Variants in OSBPL10 observed in about 807,000 individuals in gnomAD.
OSBPL10 encodes oxysterol-binding protein-related protein 10.
A neutral mutation model predicts 81.7 loss-of-function variants in OSBPL10; 49 were observed. The ratio of observed to expected loss-of-function variants is 0.60; its 90% CI spans 0.48 to 0.76. The LOEUF (loss-of-function observed/expected upper bound fraction) is 0.76, where lower values mean the gene tolerates loss of function less well. Among genes scored for constraint, OSBPL10 ranks in the 30% least tolerant of loss-of-function variants. The pLI, the probability that OSBPL10 is intolerant of heterozygous loss-of-function variation, is 0.00. For synonymous variants in OSBPL10, 419 were observed against 383.6 expected, an observed-to-expected ratio of 1.09 and a Z score of -1.08; for missense variants, 923 against 987.8, an observed-to-expected ratio of 0.93 and a Z score of 0.88.
chr3:31,817,351 G>A (rs1283249055), intron 4 of OSBPL10, among the ~76,000 whole-genome samples: 5 of 152,198 alleles, frequency 3.3e-5, no homozygotes, highest in Admixed American at 3.3e-4. Flanking sequence ...AGAGGAGAGA[G>A]GCCAGACAGC....
chr3:31,963,935 G>C (rs1698240448), intron 1 of OSBPL10, among the ~76,000 whole-genome samples: 1 of 151,712 alleles, frequency 6.6e-6, no homozygotes, highest in African/African-American at 2.4e-5. Flanking sequence ...GACCACACCT[G>C]GCCCCAATTA....
At position 31,879,730 on chromosome 3, in the gene OSBPL10, T is replaced by C. The variant is rs1164055090; in HGVS notation, c.382A>G (p.Ile128Val). The change falls in exon 2 of 12, where the codon ATA becomes GTA. Residue 128 changes from isoleucine (I) to valine (V), a missense_variant. By Grantham distance (29) the Ile-to-Val change is conservative. Around this residue, in one of 3 missense-constraint regions of OSBPL10, gnomAD observed 514 missense variants for 508.0 expected, o/e 1.01. Transcript: ENST00000396556. ...PRGVLSLSGA[I>V]VSLSDEAPHM... ...GGAGCTTCATCGCTCAGGGACACTA[T>C]GGCTCCAGATAAAGACAGGACTCCT... The C allele has an allele frequency of 6.2e-7, 1 of 1,614,222 alleles. No individual in the cohort carries two copies. The highest frequency in any genetic ancestry group is 8.5e-7 in the Non-Finnish European group (1 of 1,180,038).
At chr3:31,826,429 T>C (rs1316731857) in intron 4 of OSBPL10, among the ~76,000 whole-genome samples, 4 of 152,226 alleles carry the variant, frequency 2.6e-5, no homozygotes, top group African/African-American at 9.6e-5. Flanking sequence ...TTCCGACCTT[T>C]GGTATCTCAA....
intron 1 of OSBPL10, among the ~76,000 whole-genome samples, chr3:31,880,757 C>G (rs770150280): frequency 2.6e-5 from 4 of 152,210 alleles, no homozygotes; most frequent in Admixed American, 1.3e-4. Flanking sequence ...AGCAGTTACT[C>G]AAAGTGTGGT....
At chr3:31,722,737 G>A (rs892446472) in intron 6 of OSBPL10, among the ~76,000 whole-genome samples, 4 of 152,006 alleles carry the variant, frequency 2.6e-5, no homozygotes, top group African/African-American at 9.7e-5. Flanking sequence ...AAGATATTTG[G>A]AATCTGAAAC....
chr3:31,831,732 GAGTA>G (rs1700247331), intron 3 of OSBPL10, among the ~76,000 whole-genome samples: 1 of 152,156 alleles, frequency 6.6e-6, no homozygotes, highest in African/African-American at 2.4e-5. Context: ...TCAAAAGTCT[GAGTA>G]CACAATCTGT....
intron 6 of OSBPL10, chr3:31,709,021 G>C: frequency 3.0e-6 from 3 of 985,432 alleles, no homozygotes; most frequent in Non-Finnish European, 3.6e-6. Flanking sequence ...GTGCCTCAAA[G>C]GCCACCGGCG....
At chr3:31,813,441 T>A (rs1439960326) in intron 4 of OSBPL10, among the ~76,000 whole-genome samples, 1 of 152,012 alleles carries the variant, frequency 6.6e-6, no homozygotes, top group Non-Finnish European at 1.5e-5. Flanking sequence ...GCAGTTTTGG[T>A]TTTTTTGTTT....
intron 1 of OSBPL10, among the ~76,000 whole-genome samples, chr3:31,943,594 G>A (rs1697598261): frequency 2.6e-5 from 4 of 152,108 alleles, no homozygotes. Context: ...CACAGAGACA[G>A]ACATACATGG....
rs191239750 is a variant in OSBPL10, at chr3:31,763,125, C to T, written c.730-15005G>A. Among the ~76,000 whole-genome samples the T allele has an allele frequency of 2.0e-3, 302 of 152,178 alleles. 1 individual carries two copies. The highest frequency in any genetic ancestry group is 6.6e-3 in the African/African-American group (272 of 41,526). ...AGAAAACACAATTTATAAGCAAAGA[C>T]GTAATAAGAAAGGGTAAGGAATTGT... On this transcript the variant is annotated intron_variant, in intron 4 of 11. Transcript: ENST00000396556.
chr3:32,028,926 G>GAAAA (rs201594298), intron 2 of OSBPL10, among the ~76,000 whole-genome samples: 1 of 67,210 alleles, frequency 1.5e-5, no homozygotes, highest in South Asian at 5.8e-4. Flanking sequence ...TAGCTAGTCA[G>GAAAA]GACACACACA....
At chr3:31,912,144 C>T (rs955048276) in intron 1 of OSBPL10, among the ~76,000 whole-genome samples, 1 of 151,964 alleles carries the variant, frequency 6.6e-6, no homozygotes, top group South Asian at 2.1e-4. Flanking sequence ...GCCTGTAATC[C>T]CAGAACTTTG....
At chr3:31,894,303 G>A (rs894562523) in intron 1 of OSBPL10, among the ~76,000 whole-genome samples, 2 of 152,172 alleles carry the variant, frequency 1.3e-5, no homozygotes, top group African/African-American at 4.8e-5. Context: ...GAACAAGGAG[G>A]ACAAGGGGAG....
At position 31,820,551 on chromosome 3, in the gene OSBPL10, C is replaced by T. The variant is rs559923803; in HGVS notation, c.729+9489G>A. 7.9e-5 allele frequency among the ~76,000 whole-genome samples: 12 copies of T among 151,754 alleles called. No individual in the cohort carries two copies. In the South Asian group the frequency reaches 1.7e-3, roughly 21 times the overall value. ...CGGAGGTTGCAGTGAGCCGAGATCA[C>T]GCCACTGCACTCCAGCCTGGGAGGC... On this transcript the variant is annotated intron_variant, in intron 4 of 11. Coordinates refer to ENST00000396556, the MANE Select transcript of OSBPL10 (RefSeq NM_017784.5).
intron 1 of OSBPL10, chr3:32,077,352 A>G (rs1339227461): frequency 6.6e-6 from 1 of 151,838 alleles, no homozygotes; most frequent in African/African-American, 2.4e-5. Flanking sequence ...GCAGGAGAGC[A>G]CTCTCCCCCA....
chr3:31,716,865 G>A (rs1348264984), intron 6 of OSBPL10: 1 of 152,150 alleles, frequency 6.6e-6, no homozygotes, highest in Non-Finnish European at 1.5e-5. Context: ...GCCACACCAG[G>A]CAGTCATTCA....
intron 1 of OSBPL10, among the ~76,000 whole-genome samples, chr3:31,953,067 G>T (rs1252962282): frequency 6.6e-6 from 1 of 151,494 alleles, no homozygotes; most frequent in South Asian, 2.1e-4. Context: ...GAGTAGCTGG[G>T]ATTACAGGCG....
At chr3:32,070,382 A>C (rs186649200) in intron 1 of OSBPL10, among the ~76,000 whole-genome samples, 198 of 152,210 alleles carry the variant, frequency 1.3e-3, no homozygotes, top group African/African-American at 4.4e-3. Flanking sequence ...ATTTTAACCA[A>C]ATTATCTGCT....
At position 32,048,939 on chromosome 3, in the gene OSBPL10, C is replaced by G. The variant is rs117298934; in HGVS notation, n.186-2336G>C. ...GGTTGTTATCACTGCTCATTATACA[C>G]TAATTAGAAAACATTAGCATGCTAA... On this transcript the variant is annotated intron_variant and non_coding_transcript_variant, in intron 1 of 3. Coordinates refer to the OSBPL10 transcript ENST00000479173. 5.4e-3 allele frequency among the ~76,000 whole-genome samples: 817 copies of G among 152,280 alleles called. 21 individuals are homozygous for G. The East Asian group carries it at 0.088, about 16-fold the overall frequency.
Sources: allele counts gnomAD v4.1 joint callset (sites outside exome capture counted in the v4.1 genomes callset), GRCh38; gene constraint gnomAD v4.1.1; regional missense constraint gnomAD v4.1.1; transcripts MANE v1.5; gene names NCBI Gene and HGNC (gene_info 2026-07-23, HGNC 2026-07-21).